The following PREX2 variants were observed in gnomAD, a reference collection of about 807,000 sequenced individuals.
The protein encoded by PREX2 is phosphatidylinositol-3,4,5-trisphosphate dependent Rac exchange factor 2.
A neutral mutation model predicts 203.2 loss-of-function variants in PREX2; 107 were observed. The ratio of observed to expected loss-of-function variants is 0.53; its 90% confidence interval spans 0.45 to 0.62. The LOEUF is 0.62. Ranked by LOEUF, PREX2 falls within the 20% of genes least tolerant of loss-of-function variation. PREX2 has a pLI of 0.00. For missense variants in PREX2, 1,777 were observed against 1,955.9 expected, an observed-to-expected ratio of 0.91 and a Z score of 1.72; for synonymous variants, 672 against 663.6, an observed-to-expected ratio of 1.01 and a Z score of -0.19.
chr8:68,138,515 CAAGT>C lies in PREX2; in HGVS notation c.4087+5_4087+8del. 1 of 1,534,062 alleles carries C rather than the reference CAAGT, an allele frequency of 6.5e-7. No individual in the cohort carries two copies. The highest frequency in any genetic ancestry group is 8.9e-7 in the Non-Finnish European group (1 of 1,118,044). ...CCATCAGAAGAGGAACCTCTGGTTG[CAAGT>C]AAGTAATTAGGTATTTACAAAATTT... On this transcript the variant is annotated splice_donor_variant and coding_sequence_variant, in exon 33 of 40. Transcript: ENST00000288368. LOFTEE classifies it high-confidence loss of function.
rs1272865727 is a variant in PREX2 at position 68,083,248 on chromosome 8, C to T, written c.1887C>T (p.Gly629=). ...VEKGSNAEMA[G]MEVGKKIFAI... ...TGTAATTTCTCTCTTAGATGGCTGG[C>T]ATGGAAGTCGGGAAAAAGATTTTTG... is the stretch of plus-strand genomic sequence containing the variant. The change falls in exon 18 of 40, where the codon GGC becomes GGT. Residue 629 remains glycine (G), a synonymous_variant. Transcript: ENST00000288368. The T allele has an allele frequency of 1.3e-6, 2 of 1,588,362 alleles. No individual in the cohort carries two copies. Among genetic ancestry groups the T allele is most frequent in the Middle Eastern group, 1.7e-4 (1 of 5,952 alleles).
At chr8:68,168,158 C>G (rs889146133) in intron 35 of PREX2, among the ~76,000 whole-genome samples, 1 of 152,160 alleles carries the variant, frequency 6.6e-6, no homozygotes, top group African/African-American at 2.4e-5. Flanking sequence ...AGTATAAGCT[C>G]TTTGATACAT....
At chr8:68,179,117 G>C (rs1302804505) in intron 35 of PREX2, among the ~76,000 whole-genome samples, 1 of 152,062 alleles carries the variant, frequency 6.6e-6, no homozygotes, top group Non-Finnish European at 1.5e-5. Context: ...GTGACTTGTT[G>C]CTCTAGTCTC....
intron 34 of PREX2, among the ~76,000 whole-genome samples, chr8:68,151,948 C>T (rs1022021893): frequency 4.1e-5 from 5 of 120,500 alleles, no homozygotes; most frequent in African/African-American, 2.0e-4. Flanking sequence ...TTTCTAAGTG[C>T]CCTTTATTCA....
rs754098126 is a variant in PREX2, at chr8:68,044,470, T to C, written c.840-17T>C. On this transcript the variant is annotated splice_polypyrimidine_tract_variant and intron_variant, in intron 7 of 39. Transcript: ENST00000288368. ...TTGTTTAGTAACAAAGTCTTTGTGA[T>C]TTAATTCCATCTTAAGACGGTTGAA... The C allele has an allele frequency of 6.4e-7, 1 of 1,565,142 alleles. No homozygotes were observed. The highest frequency in any genetic ancestry group is 2.2e-5 in the East Asian group (1 of 44,600).
At chr8:68,079,087 A>G (rs1192130556) in intron 15 of PREX2, among the ~76,000 whole-genome samples, 1 of 152,162 alleles carries the variant, frequency 6.6e-6, no homozygotes, top group Non-Finnish European at 1.5e-5. Context: ...CGAGAGGCCA[A>G]GGTGGGAGGT....
chr8:68,020,271 T>G (rs1807531457), intron 3 of PREX2, among the ~76,000 whole-genome samples: 1 of 151,262 alleles, frequency 6.6e-6, no homozygotes, highest in African/African-American at 2.4e-5. Context: ...TGCAATTAAT[T>G]TGCAAAATAA....
At chr8:68,101,013 A>G (rs1328983471) in intron 23 of PREX2, among the ~76,000 whole-genome samples, 1 of 152,228 alleles carries the variant, frequency 6.6e-6, no homozygotes, top group African/African-American at 2.4e-5. Flanking sequence ...TCCAAAACAC[A>G]TGCTAAAACA....
At chr8:68,086,950 A>T (rs557645934) in intron 18 of PREX2, among the ~76,000 whole-genome samples, 1 of 152,314 alleles carries the variant, frequency 6.6e-6, no homozygotes, top group African/African-American at 2.4e-5. Context: ...ATAGGTAGAA[A>T]TGTATTAACT....
At chr8:68,101,573 A>G (rs1202201958) in intron 23 of PREX2, 1 of 439,260 alleles carries the variant, frequency 2.3e-6, no homozygotes, top group African/African-American at 2.0e-5. Context: ...CTTTCTCTAT[A>G]AAACATGACC....
At chr8:67,987,635 G>A (rs1806472888) in intron 1 of PREX2, among the ~76,000 whole-genome samples, 1 of 152,088 alleles carries the variant, frequency 6.6e-6, no homozygotes, top group Non-Finnish European at 1.5e-5. Flanking sequence ...CACAGATCTG[G>A]TAGCTTCTGC....
chr8:68,072,035 C>G (rs1809211412), intron 13 of PREX2, among the ~76,000 whole-genome samples: 1 of 152,062 alleles, frequency 6.6e-6, no homozygotes. Context: ...TTCCTGGAAC[C>G]TGCAACTTTA....
At chr8:68,048,450 T>A (rs1808430593) in intron 8 of PREX2, among the ~76,000 whole-genome samples, 1 of 152,060 alleles carries the variant, frequency 6.6e-6, no homozygotes, top group Admixed American at 6.6e-5. Context: ...TTCAATATAT[T>A]CGTCAAATTC....
At chr8:68,041,474 A>G (rs1808196678) in intron 7 of PREX2, among the ~76,000 whole-genome samples, 1 of 152,180 alleles carries the variant, frequency 6.6e-6, no homozygotes, top group African/African-American at 2.4e-5. Context: ...TAAGCCGAGA[A>G]AACATAGGAA....
chr8:68,223,002 G>A (rs1027340473), intron 38 of PREX2, among the ~76,000 whole-genome samples: 5 of 152,338 alleles, frequency 3.3e-5, no homozygotes, highest in Admixed American at 2.0e-4. Flanking sequence ...CTCAGGAACT[G>A]TCACAGATTG....
intron 37 of PREX2, among the ~76,000 whole-genome samples, chr8:68,196,966 G>A (rs1812409781): frequency 6.6e-6 from 1 of 152,134 alleles, no homozygotes; most frequent in Non-Finnish European, 1.5e-5. Flanking sequence ...ATAAAGAGCA[G>A]AAATGTATTT....
At chr8:68,224,409 G>A (rs1813015830) in intron 38 of PREX2, 150 bp from the exon 39 acceptor site, 1 of 638,678 alleles carries the variant, frequency 1.6e-6, no homozygotes, top group African/African-American at 1.8e-5. Flanking sequence ...TTTTGAAAAT[G>A]CTCAGACAGC....
At chr8:68,217,178 T>C (rs1037962998) in intron 37 of PREX2, among the ~76,000 whole-genome samples, 2 of 152,186 alleles carry the variant, frequency 1.3e-5, no homozygotes, top group South Asian at 4.1e-4. Flanking sequence ...CTGACCTCAG[T>C]AAATAGTAAT....
intron 11 of PREX2, among the ~76,000 whole-genome samples, chr8:68,068,797 A>T (rs1809097153): frequency 6.6e-6 from 1 of 151,782 alleles, no homozygotes; most frequent in African/African-American, 2.4e-5. Context: ...GAATGTTGCA[A>T]ACGTCAGTTT....
Sources: allele counts gnomAD v4.1 joint callset (sites outside exome capture counted in the v4.1 genomes callset), GRCh38; gene constraint gnomAD v4.1.1; transcripts MANE v1.5; gene names NCBI Gene and HGNC (gene_info 2026-07-23, HGNC 2026-07-21).